Variants in TMEM232 observed in about 807,000 individuals in gnomAD.
TMEM232 encodes the protein transmembrane protein 232.
A neutral mutation model predicts 78.8 loss-of-function variants in TMEM232; 80 were observed. The observed-to-expected ratio is 1.01, with a 90% CI of 0.85 to 1.22. The LOEUF is 1.22. TMEM232 is among the 50% of genes most tolerant of loss of function. The pLI is 0.00. For synonymous variants in TMEM232, 297 were observed against 254.3 expected, an observed-to-expected ratio of 1.17 and a Z score of -1.60; for missense variants, 881 against 742.2, an observed-to-expected ratio of 1.19 and a Z score of -2.17.
chr5:110,428,124 C>G (rs1757444286), intron 12 of TMEM232, among the ~76,000 whole-genome samples: 1 of 151,718 alleles, frequency 6.6e-6, no homozygotes, highest in African/African-American at 2.4e-5. Flanking sequence ...CCATTCCTAC[C>G]TTTCCCCCAA....
At chr5:110,396,948 T>C (rs17132048) in intron 3 of TMEM232, among the ~76,000 whole-genome samples, 33,089 of 152,088 alleles carry the variant, frequency 0.22, 7,594 homozygotes, top group African/African-American at 0.57. Context: ...AAAAGTGGCC[T>C]CTGATAACTA....
chr5:110,438,722 C>G (rs955726507), intron 12 of TMEM232, among the ~76,000 whole-genome samples: 2 of 152,040 alleles, frequency 1.3e-5, no homozygotes, highest in Admixed American at 6.6e-5. Flanking sequence ...GTCGTCAGTT[C>G]CTCCCCTACA....
chr5:110,573,978 G>C (rs1173860274), intron 10 of TMEM232, among the ~76,000 whole-genome samples: 1 of 151,922 alleles, frequency 6.6e-6, no homozygotes, highest in Non-Finnish European at 1.5e-5. Context: ...CCAATTTGTG[G>C]GCCATGGAAA....
intron 12 of TMEM232, among the ~76,000 whole-genome samples, chr5:110,465,209 G>A (rs1424124093): frequency 6.6e-6 from 1 of 152,216 alleles, no homozygotes; most frequent in Admixed American, 6.5e-5. Flanking sequence ...AGACTGTTTA[G>A]AAAGCTGTCT....
chr5:110,603,099 C>T (rs1323363797), intron 10 of TMEM232, among the ~76,000 whole-genome samples: 2 of 151,980 alleles, frequency 1.3e-5, no homozygotes, highest in African/African-American at 4.8e-5. Flanking sequence ...AATGGGAACC[C>T]ATGGACACAG....
At position 110,667,457 on chromosome 5, in the gene TMEM232, G is replaced by C. The variant is rs1167736611; in HGVS notation, c.-12-93C>G. The C allele has an allele frequency of 1.0e-5, 10 of 994,480 alleles. No individual in the cohort carries two copies. The East Asian group carries it at 2.7e-4, about 27-fold the overall frequency. The allele number at this position is 994,480 out of a possible 1,614,324, so 61.6% of individuals were successfully genotyped here. ...AATTCATTATTTTTGGAAAAGAATA[G>C]CAAGAACTAAAGTTAGGCTTAAGAA... On this transcript the variant is annotated intron_variant, in intron 1 of 13. Transcript: ENST00000455884.
chr5:110,524,065 C>T (rs1581066523), intron 12 of TMEM232, among the ~76,000 whole-genome samples: 1 of 150,020 alleles, frequency 6.7e-6, no homozygotes, highest in Admixed American at 6.6e-5. Flanking sequence ...GAGTTCGCGA[C>T]CAGCCTGACC....
At chr5:110,645,615 C>A (rs1398251002) in intron 2 of TMEM232, among the ~76,000 whole-genome samples, 2 of 151,546 alleles carry the variant, frequency 1.3e-5, no homozygotes, top group Non-Finnish European at 3.0e-5. Flanking sequence ...CAGCCAATAT[C>A]ATAATTAATG....
chr5:110,668,694 C>T (rs988362833), intron 1 of TMEM232, among the ~76,000 whole-genome samples: 3 of 152,156 alleles, frequency 2.0e-5, no homozygotes, highest in Admixed American at 6.5e-5. Flanking sequence ...AGCACCACAT[C>T]GCACTTATTC....
chr5:110,637,654 A>G (rs1158433040), intron 5 of TMEM232, among the ~76,000 whole-genome samples: 1 of 151,974 alleles, frequency 6.6e-6, no homozygotes, highest in African/African-American at 2.4e-5. Flanking sequence ...CCATTAGTTA[A>G]ACTACATTTG....
intron 1 of TMEM232, among the ~76,000 whole-genome samples, chr5:110,712,101 AT>A (rs1157792213): frequency 1.9e-5 from 2 of 103,626 alleles, no homozygotes; most frequent in African/African-American, 1.0e-4. Flanking sequence ...GCGAGACTCA[AT>A]CTCAAAAAAA....
intron 12 of TMEM232, among the ~76,000 whole-genome samples, chr5:110,478,657 G>T (rs1438601614): frequency 6.6e-6 from 1 of 151,762 alleles, no homozygotes; most frequent in Non-Finnish European, 1.5e-5. Flanking sequence ...TCATTTATGG[G>T]CATTGATGTT....
intron 11 of TMEM232, among the ~76,000 whole-genome samples, chr5:110,554,852 T>C (rs552417211): frequency 6.6e-6 from 1 of 152,324 alleles, no homozygotes; most frequent in Admixed American, 6.5e-5. Context: ...TATTGGTCTC[T>C]GTAGGGTTTT....
chr5:110,529,246 A>AT (rs903763436), intron 11 of TMEM232, among the ~76,000 whole-genome samples: 300 of 149,406 alleles, frequency 2.0e-3, no homozygotes, highest in African/African-American at 5.7e-3. Flanking sequence ...TCAACAGAGC[A>AT]TTTTTTTTTT....
At chr5:110,713,451 C>T (rs1204528774) in intron 1 of TMEM232, among the ~76,000 whole-genome samples, 1 of 151,658 alleles carries the variant, frequency 6.6e-6, no homozygotes, top group Non-Finnish European at 1.5e-5. Flanking sequence ...GAGATAGATT[C>T]CCCATTTAGC....
At position 110,621,278 on chromosome 5, in the gene TMEM232, T is replaced by C. The variant is rs112161797; in HGVS notation, c.769-2716A>G. Among the ~76,000 whole-genome samples, 928 of 152,256 alleles carry C rather than the reference T, an allele frequency of 6.1e-3. 6 individuals carry two copies. The highest frequency in any genetic ancestry group is 0.01 in the Middle Eastern group (3 of 294). On this transcript the variant is annotated intron_variant, in intron 7 of 13. Coordinates refer to ENST00000455884, the MANE Select transcript of TMEM232 (RefSeq NM_001039763.4). ...TGTGATTTAATACAATCATCACATATATCATCAGTGCAGAAGACCAAGAGT... is the reference window on the plus strand; with the variant it reads ...TGTGATTTAATACAATCATCACATACATCATCAGTGCAGAAGACCAAGAGT...
intron 1 of TMEM232, among the ~76,000 whole-genome samples, chr5:110,676,330 T>C (rs1792019038): frequency 6.6e-6 from 1 of 152,148 alleles, no homozygotes; most frequent in African/African-American, 2.4e-5. Context: ...TTTTCAATTT[T>C]TTTTTTAAGG....
intron 1 of TMEM232, among the ~76,000 whole-genome samples, chr5:110,678,700 C>G (rs189357854): frequency 2.5e-4 from 38 of 152,228 alleles, no homozygotes; most frequent in African/African-American, 8.7e-4. Context: ...CCCGACCCCC[C>G]ACCATGCCTG....
At chr5:110,672,513 C>T (rs17132261) in intron 1 of TMEM232, among the ~76,000 whole-genome samples, 7,701 of 152,114 alleles carry the variant, frequency 0.051, 412 homozygotes, top group East Asian at 0.24. Context: ...TTACTTAGGA[C>T]TGCTTTTGAC....
Sources: gnomAD v4.1 joint callset for allele counts (sites outside exome capture counted in the v4.1 genomes callset) on GRCh38, gnomAD v4.1.1 for gene constraint, MANE v1.5 for transcripts, NCBI Gene and HGNC (gene_info 2026-07-23, HGNC 2026-07-21) for gene names.